HNF4G: variants seen among roughly 807,000 people sequenced by gnomAD.
The protein encoded by HNF4G is hepatocyte nuclear factor 4-gamma.
HNF4G carries 21 observed loss-of-function variants against 50.9 expected under a neutral mutation model. The observed-to-expected ratio is 0.41, with a 90% CI of 0.29 to 0.59. The LOEUF is 0.59. Among genes scored for constraint, HNF4G ranks in the 20% least tolerant of loss-of-function variants. HNF4G has a pLI of 0.26. For missense variants in HNF4G, 527 were observed against 559.4 expected (o/e 0.94, Z 0.58); for synonymous variants, 198 against 185.6 (o/e 1.07, Z -0.54).
rs541960670 is a variant in HNF4G at position 75,450,455 on chromosome 8, T to C, written c.-143-39634T>C. Among the ~76,000 whole-genome samples the C allele has an allele frequency of 2.0e-4, 30 of 152,320 alleles. No homozygotes were observed. In the South Asian group the frequency reaches 5.8e-3, roughly 29 times the overall value. ...TCATATTCTTTGAATAGATACACGG[T>C]AGTCAGATTGCTGGATCATATGGTA... On this transcript the variant is annotated intron_variant, in intron 1 of 10. Transcript: ENST00000354370.
intron 2 of HNF4G, among the ~76,000 whole-genome samples, chr8:75,528,933 G>A (rs1462238898): frequency 2.0e-5 from 3 of 152,096 alleles, no homozygotes; most frequent in African/African-American, 4.8e-5. Flanking sequence ...GGCAGAAGGC[G>A]AAGCAGGACA....
chr8:75,468,180 T>C (rs951159430), intron 1 of HNF4G, among the ~76,000 whole-genome samples: 1 of 152,168 alleles, frequency 6.6e-6, no homozygotes, highest in Non-Finnish European at 1.5e-5. Context: ...TATAATATAG[T>C]TTTTCTAGTT....
At chr8:75,526,331 C>T (rs1229535966) in intron 2 of HNF4G, among the ~76,000 whole-genome samples, 1 of 151,896 alleles carries the variant, frequency 6.6e-6, no homozygotes, top group Admixed American at 6.6e-5. Flanking sequence ...CTGCACCTGG[C>T]CTCAAATTTA....
At chr8:75,502,681 C>T (rs1386700165) in intron 2 of HNF4G, among the ~76,000 whole-genome samples, 1 of 152,116 alleles carries the variant, frequency 6.6e-6, no homozygotes, top group African/African-American at 2.4e-5. Context: ...GAAAAACAGG[C>T]ATTCTATTAT....
chr8:75,420,105 A>T (rs1181894626), intron 1 of HNF4G, among the ~76,000 whole-genome samples: 1 of 152,118 alleles, frequency 6.6e-6, no homozygotes, highest in Non-Finnish European at 1.5e-5. Flanking sequence ...ATCAAAAGCC[A>T]GGAGTCTTCT....
chr8:75,556,761 T>C (rs952472763), intron 6 of HNF4G, among the ~76,000 whole-genome samples: 1 of 152,202 alleles, frequency 6.6e-6, no homozygotes, highest in Non-Finnish European at 1.5e-5. Context: ...GACTAGATTA[T>C]TTTATTTTTG....
chr8:75,413,245 G>T (rs1810543484), intron 1 of HNF4G, among the ~76,000 whole-genome samples: 1 of 147,490 alleles, frequency 6.8e-6, no homozygotes, highest in African/African-American at 2.5e-5. Context: ...TTGACTGGCA[G>T]CATTTTGGAA....
At chr8:75,444,300 A>G (rs1372706495) in intron 1 of HNF4G, among the ~76,000 whole-genome samples, 4 of 151,706 alleles carry the variant, frequency 2.6e-5, no homozygotes, top group Non-Finnish European at 5.9e-5. Flanking sequence ...GAAAGGAACA[A>G]CCGGTACCAG....
intron 2 of HNF4G, among the ~76,000 whole-genome samples, chr8:75,530,798 T>TTTC (rs1038952289): frequency 1.3e-5 from 2 of 149,836 alleles, no homozygotes; most frequent in Non-Finnish European, 3.0e-5. Context: ...AATGTGCTTT[T>TTTC]TTTTTTTTTT....
intron 1 of HNF4G, among the ~76,000 whole-genome samples, chr8:75,423,818 T>TTTC (rs1276892500): frequency 1.5e-5 from 1 of 64,994 alleles, no homozygotes; most frequent in East Asian, 3.2e-4. Context: ...TTTCTTTCTT[T>TTTC]TTTTTTTTTT....
At chr8:75,414,294 G>C (rs1229877079) in intron 1 of HNF4G, among the ~76,000 whole-genome samples, 1 of 150,492 alleles carries the variant, frequency 6.6e-6, no homozygotes, top group Non-Finnish European at 1.5e-5. Context: ...TTTTAATTTA[G>C]CATAATTATT....
intron 1 of HNF4G, among the ~76,000 whole-genome samples, chr8:75,423,518 A>G (rs1810821137): frequency 6.6e-6 from 1 of 150,640 alleles, no homozygotes; most frequent in African/African-American, 2.4e-5. Context: ...CCTCCCGACT[A>G]GCTGGGACTA....
At chr8:75,452,263 G>T (rs16939072) in intron 1 of HNF4G, among the ~76,000 whole-genome samples, 7,596 of 152,100 alleles carry the variant, frequency 0.05, 276 homozygotes, top group African/African-American at 0.091. Context: ...ACCATTTCTA[G>T]TGGTTACAGT....
intron 6 of HNF4G, among the ~76,000 whole-genome samples, chr8:75,558,274 GTGTTAT>G (rs1388001863): frequency 6.6e-6 from 1 of 152,070 alleles, no homozygotes; most frequent in Non-Finnish European, 1.5e-5. Flanking sequence ...CTGCACTTTT[GTGTTAT>G]CACCAGTGAC....
upstream of HNF4G, among the ~76,000 whole-genome samples, chr8:75,537,809 A>G (rs924374777): frequency 1.1e-4 from 16 of 152,114 alleles, no homozygotes; most frequent in Non-Finnish European, 2.2e-4. Context: ...TACTCAATGA[A>G]AAGGTCTTGG....
At chr8:75,500,127 A>T (rs540056462) in intron 2 of HNF4G, among the ~76,000 whole-genome samples, 1 of 152,270 alleles carries the variant, frequency 6.6e-6, no homozygotes, top group South Asian at 2.1e-4. Context: ...CATATGTCAG[A>T]TAAGGGTCTT....
rs192632388 is a variant in HNF4G, at chr8:75,505,620, G to A, written c.-24+15412G>A. 6.6e-5 allele frequency among the ~76,000 whole-genome samples: 10 copies of A among 150,600 alleles called. No individual in the cohort carries two copies. In the East Asian group the frequency reaches 7.8e-4, roughly 12 times the overall value. ...TTTTTTTGAGTTTCACTGCCTTGTC[G>A]TTTACAAACAAATATAAACGTACCT... On this transcript the variant is annotated intron_variant, in intron 2 of 10. Transcript: ENST00000354370.
chr8:75,498,503 T>G (rs1451900707), intron 2 of HNF4G, among the ~76,000 whole-genome samples: 1 of 152,100 alleles, frequency 6.6e-6, no homozygotes, highest in African/African-American at 2.4e-5. Flanking sequence ...CACAAATCCT[T>G]TGAAAACACT....
intron 2 of HNF4G, among the ~76,000 whole-genome samples, chr8:75,496,815 T>C (rs997969495): frequency 3.3e-5 from 5 of 151,724 alleles, no homozygotes; most frequent in African/African-American, 1.2e-4. Flanking sequence ...TATATATATA[T>C]ATATATGGCA....
Sources: allele counts gnomAD v4.1 joint callset (sites outside exome capture counted in the v4.1 genomes callset), GRCh38; gene constraint gnomAD v4.1.1; transcripts MANE v1.5; gene names NCBI Gene and HGNC (gene_info 2026-07-23, HGNC 2026-07-21).